Variants in USP33 observed in about 807,000 individuals in gnomAD.
USP33 encodes ubiquitin carboxyl-terminal hydrolase 33.
USP33 carries 46 observed loss-of-function variants against 124.2 expected under a neutral mutation model. That is an observed-to-expected ratio of 0.37 (90% CI 0.29 to 0.47). The LOEUF is 0.47. Ranked by LOEUF, USP33 falls within the 20% of genes least tolerant of loss-of-function variation. The pLI is 0.99. For synonymous variants in USP33, 350 were observed against 352.3 expected, an observed-to-expected ratio of 0.99 and a Z score of 0.07; for missense variants, 851 against 1,070.6, an observed-to-expected ratio of 0.79 and a Z score of 2.86.
At chr1:77,748,778 CT>C (rs1443090177) in intron 1 of USP33, among the ~76,000 whole-genome samples, 1,474 of 51,330 alleles carry the variant, frequency 0.029, 1 homozygote, top group South Asian at 0.082. Context: ...CATTCCTTCC[CT>C]CCCCCCCCCC....
intron 12 of USP33, among the ~76,000 whole-genome samples, chr1:77,722,552 T>C (rs543296363): frequency 6.1e-4 from 93 of 152,248 alleles, no homozygotes; most frequent in African/African-American, 2.1e-3. Flanking sequence ...AAATTGACCT[T>C]TGATGGTAGT....
intron 5 of USP33, among the ~76,000 whole-genome samples, chr1:77,736,962 T>A (rs760730841): frequency 1.1e-4 from 17 of 151,984 alleles, no homozygotes; most frequent in Non-Finnish European, 2.4e-4. Context: ...ATAATAATAT[T>A]CTAATATTAA....
chr1:77,709,538 G>A (rs983488880), intron 21 of USP33, among the ~76,000 whole-genome samples: 1 of 150,038 alleles, frequency 6.7e-6, no homozygotes, highest in Non-Finnish European at 1.5e-5. Flanking sequence ...GAAATATATA[G>A]ATATATATAG....
chr1:77,730,317 C>A (rs1013677537), intron 8 of USP33, among the ~76,000 whole-genome samples: 2 of 152,142 alleles, frequency 1.3e-5, no homozygotes, highest in Admixed American at 6.5e-5. Context: ...CTGATTTTAT[C>A]ATTGTGAGAA....
In USP33 at chr1:77,697,406, C is replaced by G. The variant is rs1385198442; in HGVS notation, c.2647G>C (p.Glu883Gln). 6 of 1,613,310 alleles carry G rather than the reference C, an allele frequency of 3.7e-6. No individual in the cohort carries two copies. The highest frequency in any genetic ancestry group is 5.1e-6 in the Non-Finnish European group (6 of 1,179,836). Residue 883 changes from glutamate to glutamine, a missense_variant, in exon 24 of 24, where the codon GAA becomes CAA. Physicochemically the swap from Glu to Gln is conservative, Grantham distance 29. Coordinates refer to ENST00000370794, the MANE Select transcript of USP33 (RefSeq NM_201624.3). ...ACAACCGGAGGTCGCAGGATAACTTCAGGCCCTCCACCATAAATAGACTGC... is the reference window on the plus strand; with the variant it reads ...ACAACCGGAGGTCGCAGGATAACTTGAGGCCCTCCACCATAAATAGACTGC... ...FLQSIYGGGPEVILRPPVVHV... is the reference protein window; with the variant it reads ...FLQSIYGGGPQVILRPPVVHV...
chr1:77,723,505 CT>C (rs1676810202), intron 11 of USP33, 62 bp from the exon 12 acceptor site: 17 of 1,082,244 alleles, frequency 1.6e-5, no homozygotes, highest in Non-Finnish European at 2.1e-5. Context: ...TCTCTGGAAT[CT>C]TTTTTTGTCT....
chr1:77,726,825 G>T (rs1378671174), intron 10 of USP33, among the ~76,000 whole-genome samples: 3 of 152,068 alleles, frequency 2.0e-5, no homozygotes, highest in Non-Finnish European at 4.4e-5. Context: ...CATCAGGAAA[G>T]AATCTTTTTT....
intron 15 of USP33, among the ~76,000 whole-genome samples, chr1:77,720,165 G>GAAAAAAAAAAAA (rs745681259): frequency 9.4e-5 from 4 of 42,742 alleles, no homozygotes; most frequent in African/African-American, 1.5e-4. Flanking sequence ...TGTCTCAAAT[G>GAAAAAAAAAAAA]AAAAAAAAAA....
chr1:77,704,485 CT>C (rs1477872063), intron 21 of USP33, among the ~76,000 whole-genome samples: 9 of 152,158 alleles, frequency 5.9e-5, no homozygotes, highest in Non-Finnish European at 1.3e-4. Context: ...TAGGTAGGCG[CT>C]TTTTAAAATT....
At position 77,725,673 on chromosome 1, in the gene USP33, G is replaced by A. The variant is rs759102436; in HGVS notation, c.1225C>T (p.Pro409Ser). Reference protein sequence around the residue: ...EGVNPRLSASPPKSGNLWPGL... With the variant: ...EGVNPRLSASSPKSGNLWPGL... ...GGCCACAAATTGCCTGATTTAGGAG[G>A]GCTTGCCGATAAACGTGGATTAACA... Residue 409 changes from proline to serine, a missense_variant, in exon 11 of 24, where the codon CCT becomes TCT. Physicochemically the swap from Pro to Ser is moderately conservative, Grantham distance 74 (BLOSUM62 -1). This residue lies in a region of USP33 where 207 missense variants were observed against 200.9 expected (regional missense o/e 1.03). Transcript: ENST00000370794. The A allele has an allele frequency of 6.2e-7, 1 of 1,614,100 alleles. No homozygotes were observed. The highest frequency in any genetic ancestry group is 8.5e-7 in the Non-Finnish European group (1 of 1,180,014).
At chr1:77,707,979 A>G (rs1674816770) in intron 21 of USP33, among the ~76,000 whole-genome samples, 1 of 152,218 alleles carries the variant, frequency 6.6e-6, no homozygotes, top group Admixed American at 6.5e-5. Context: ...TCATTTAGAA[A>G]TAGGTATAGT....
intron 23 of USP33, 60 bp from the exon 24 acceptor site, chr1:77,697,534 T>C: frequency 6.6e-7 from 1 of 1,514,882 alleles, no homozygotes; most frequent in Non-Finnish European, 8.8e-7. Flanking sequence ...TGCAAAAGCG[T>C]TCATAATGTA....
chr1:77,698,796 G>C (rs112821782), intron 22 of USP33, among the ~76,000 whole-genome samples: 5 of 152,068 alleles, frequency 3.3e-5, no homozygotes, highest in Admixed American at 1.3e-4. Context: ...CACCACGCCC[G>C]GCCCAGAAAT....
At chr1:77,714,826 T>C (rs934579333) in intron 18 of USP33, 43 bp from the exon 19 acceptor site, 1 of 1,587,214 alleles carries the variant, frequency 6.3e-7, no homozygotes, top group Non-Finnish European at 8.6e-7. Context: ...TGCATTTTAC[T>C]ACATTACTAG....
Position 77,697,859 on chromosome 1 carries a change from T to G in USP33, c.2578+4A>C. 3 of 1,606,684 alleles carry G rather than the reference T, an allele frequency of 1.9e-6. No individual in the cohort carries two copies. The highest frequency in any genetic ancestry group is 2.5e-6 in the Non-Finnish European group (3 of 1,177,578). On this transcript the variant is annotated splice_donor_region_variant and intron_variant, in intron 23 of 23. Coordinates refer to ENST00000370794, the MANE Select transcript of USP33 (RefSeq NM_201624.3). The stretch of plus-strand genomic sequence containing the variant: ...GTAAAAGCTTAAATACGAGTCAAAC[T>G]TACCTTGCCTAAGCATCACATTACC...
chr1:77,711,907 AT>A (rs768669500), intron 20 of USP33, 52 bp from the exon 21 acceptor site: 1 of 1,541,240 alleles, frequency 6.5e-7, no homozygotes, highest in Non-Finnish European at 8.7e-7. Flanking sequence ...TGTTTCTAAC[AT>A]TTAAGTCAGT....
chr1:77,746,024 C>A (rs897011638), intron 1 of USP33, among the ~76,000 whole-genome samples: 34 of 151,620 alleles, frequency 2.2e-4, no homozygotes, highest in African/African-American at 7.8e-4. Flanking sequence ...CAAGAAATAA[C>A]TAAGATCAGA....
chr1:77,699,286 C>T (rs1022874524), intron 22 of USP33, among the ~76,000 whole-genome samples: 17 of 152,054 alleles, frequency 1.1e-4, no homozygotes, highest in African/African-American at 4.1e-4. Flanking sequence ...TTTGGGAGGC[C>T]GAGGCAGGTG....
chr1:77,757,918 C>T (rs1282193312), intron 1 of USP33, among the ~76,000 whole-genome samples: 1 of 152,184 alleles, frequency 6.6e-6, no homozygotes, highest in Non-Finnish European at 1.5e-5. Context: ...AATACTACTA[C>T]ATAAATGTAA....
Sources: allele counts gnomAD v4.1 joint callset (sites outside exome capture counted in the v4.1 genomes callset), GRCh38; gene constraint gnomAD v4.1.1; regional missense constraint gnomAD v4.1.1; transcripts MANE v1.5; gene names NCBI Gene and HGNC (gene_info 2026-07-23, HGNC 2026-07-21).